The following TINAGL1 variants were observed in gnomAD, a reference collection of about 807,000 sequenced individuals.
The protein encoded by TINAGL1 is tubulointerstitial nephritis antigen like 1, also known as tubulointerstitial nephritis antigen-like.
A neutral mutation model predicts 62.0 loss-of-function variants in TINAGL1; 34 were observed. The observed-to-expected ratio is 0.55, with a 90% CI of 0.42 to 0.73. The LOEUF (loss-of-function observed/expected upper bound fraction) is 0.73, where lower values mean the gene tolerates loss of function less well. Ranked by LOEUF, TINAGL1 falls within the 30% of genes least tolerant of loss-of-function variation. The pLI, the probability that TINAGL1 is intolerant of heterozygous loss-of-function variation, is 0.00. For missense variants in TINAGL1, 516 were observed against 653.2 expected, an observed-to-expected ratio of 0.79 and a Z score of 2.29; for synonymous variants, 221 against 249.7, an observed-to-expected ratio of 0.88 and a Z score of 1.08.
Position 31,586,886 on chromosome 1 carries a change from C to A in TINAGL1, c.1311C>A (p.Phe437Leu). The A allele has an allele frequency of 6.4e-7, 1 of 1,551,606 alleles. No homozygotes were observed. Among genetic ancestry groups the A allele is most frequent in the East Asian group, 2.3e-5 (1 of 43,444 alleles). ...WGPAWGERGH[F>L]RIVRGVNECD... The stretch of plus-strand genomic sequence containing the variant: ...CAGCCTGGGGCGAGAGGGGCCACTT[C>A]CGCATCGTGCGCGGCGTCAATGAGT... Residue 437 changes from phenylalanine (F) to leucine (L), a missense_variant, in exon 12 of 12, where the codon TTC becomes TTA. Transcript: ENST00000271064.
At chr1:31,581,094 A>T (rs1199202710) in intron 3 of TINAGL1, among the ~76,000 whole-genome samples, 2 of 152,138 alleles carry the variant, frequency 1.3e-5, no homozygotes, top group Non-Finnish European at 2.9e-5. Context: ...GAAGGCCGGG[A>T]GGTGACTGAG....
rs765972339 is a variant in TINAGL1, at chr1:31,578,894, G to GTGTGTGTC, written c.311-306_311-305insTGTCTGTG. 3.4e-5 allele frequency among the ~76,000 whole-genome samples: 5 copies of GTGTGTGTC among 145,838 alleles called. 1 individual carries two copies. Among genetic ancestry groups the GTGTGTGTC allele is most frequent in the Non-Finnish European group, 6.0e-5 (4 of 66,438 alleles). On this transcript the variant is annotated intron_variant, in intron 2 of 11. Coordinates refer to ENST00000271064, the MANE Select transcript of TINAGL1 (RefSeq NM_022164.3). The stretch of plus-strand genomic sequence containing the variant: ...TGAGAGCTGGTGTGTGTGTGTGTGT[G>GTGTGTGTC]TGTGATATCTTCAGTTATAGTTTGG...
rs1252747152 is a variant in TINAGL1, at chr1:31,585,388, G to A, written c.1047+48G>A. 6.2e-7 allele frequency: 1 copy of A among 1,608,946 alleles called. No homozygotes were observed. Among genetic ancestry groups the A allele is most frequent in the Admixed American group, 1.7e-5 (1 of 59,222 alleles). On this transcript the variant is annotated intron_variant, in intron 8 of 11. Transcript: ENST00000271064. The surrounding 1 kb of genome is among the most constrained non-coding windows in gnomAD (Gnocchi z 4.3). ...GCGCCGAGGCAGGAGGGTTGTGAAA[G>A]CCTGGAGTCTCACCCCTGACGTATG...
Position 31,587,057 on chromosome 1 carries a change from C to T in TINAGL1, c.*78C>T. 7.3e-7 allele frequency: 1 copy of T among 1,362,950 alleles called. No individual in the cohort carries two copies. The highest frequency in any genetic ancestry group is 1.9e-5 in the South Asian group (1 of 54,028). 84.4% of individuals were successfully genotyped at this position (1,362,950 alleles called of 1,614,324 possible). A position where few individuals can be genotyped will look rare whatever the true frequency, so the allele number is the denominator to read the frequency against. On this transcript the variant is annotated 3_prime_UTR_variant, in exon 12 of 12. Coordinates refer to ENST00000271064, the MANE Select transcript of TINAGL1 (RefSeq NM_022164.3). The stretch of plus-strand genomic sequence containing the variant: ...GAAGAGGCCCCAATGGGGCGGTGAC[C>T]CCAGCCTCGCCCGACAGAGCCCGGG...
chr1:31,584,688 A>G lies in TINAGL1; in HGVS notation c.593A>G (p.Asn198Ser), dbSNP rs141377102. The part of the protein sequence containing the change: ...MNMHEIYTVL[N>S]PGEVLPTAFE... Reference sequence around the variant, plus strand: ...ACCTTTATCTTGCAGACAGTGCTGAACCCAGGGGAGGTGCTTCCCACAGCC... The same window carrying G: ...ACCTTTATCTTGCAGACAGTGCTGAGCCCAGGGGAGGTGCTTCCCACAGCC... Residue 198 changes from asparagine (N) to serine (S), a missense_variant, in exon 6 of 12, where the codon AAC becomes AGC. By Grantham distance (46) the Asn-to-Ser change is conservative (BLOSUM62 1). Transcript: ENST00000271064. This position sits in a 1 kb window ranked among gnomAD's most constrained non-coding sequence, Gnocchi z 4.0. 1.1e-4 allele frequency: 181 copies of G among 1,613,466 alleles called. No homozygotes were observed. Among genetic ancestry groups the G allele is most frequent in the Non-Finnish European group, 1.5e-4 (176 of 1,180,026 alleles).
intron 2 of TINAGL1, chr1:31,578,241 C>CT (rs1464797664): frequency 2.8e-6 from 1 of 357,854 alleles, no homozygotes; most frequent in Non-Finnish European, 3.5e-6. Context: ...TCAGTGAGAG[C>CT]TGGTGTGTGT....
rs1639319080 is a variant in TINAGL1 at position 31,584,045 on chromosome 1, C to T, written c.582+470C>T. 1 of 168,198 alleles carries T rather than the reference C, an allele frequency of 5.9e-6. No homozygotes were observed. The highest frequency in any genetic ancestry group is 1.3e-5 in the Non-Finnish European group (1 of 76,842). 10.4% of individuals were successfully genotyped at this position (168,198 alleles called of 1,614,324 possible). A position where few individuals can be genotyped will look rare whatever the true frequency, so the allele number is the denominator to read the frequency against. On this transcript the variant is annotated intron_variant, in intron 5 of 11. Coordinates refer to ENST00000271064, the MANE Select transcript of TINAGL1 (RefSeq NM_022164.3). The surrounding 1 kb of genome is among the most constrained non-coding windows in gnomAD (Gnocchi z 4.0). ...CTGGGAGAGGAATGAAAACCAGGCC[C>T]AAAGTGAAAGGGTGAGGAAGGGGAG...
Position 31,584,481 on chromosome 1 carries a change from T to A in TINAGL1, c.583-197T>A. On this transcript the variant is annotated intron_variant, in intron 5 of 11. Coordinates refer to ENST00000271064, the MANE Select transcript of TINAGL1 (RefSeq NM_022164.3). The surrounding 1 kb of genome is among the most constrained non-coding windows in gnomAD (Gnocchi z 4.0). ...CACCCCGCCCCGCCCCACCACCTGA[T>A]ACCTGGGAGGCACTAAATGGTGCTT... 42 of 686,948 alleles carry A rather than the reference T, an allele frequency of 6.1e-5. No individual in the cohort carries two copies. Among genetic ancestry groups the A allele is most frequent in the East Asian group, 9.5e-5 (3 of 31,576 alleles). The allele number at this position is 686,948 out of a possible 1,614,324, so 42.6% of individuals were successfully genotyped here.
intron 2 of TINAGL1, chr1:31,578,255 T>C (rs1639056666): frequency 3.4e-6 from 2 of 590,346 alleles, no homozygotes; most frequent in Admixed American, 1.3e-4. Flanking sequence ...TGTGTGTGTG[T>C]GTGTGTGTGT....
At chr1:31,580,162 GCTCTCTCT>G (rs761677862) in intron 3 of TINAGL1, 6,434 of 472,418 alleles carry the variant, frequency 0.014, 39 homozygotes, top group African/African-American at 0.025. Flanking sequence ...GGGTTAATGC[GCTCTCTCT>G]CTCTCTCTCT....
rs954694687 is a variant in TINAGL1 at position 31,576,950 on chromosome 1, G to A, written c.-15-184G>A. 1 of 560,502 alleles carries A rather than the reference G, an allele frequency of 1.8e-6. No individual in the cohort carries two copies. The highest frequency in any genetic ancestry group is 3.0e-6 in the Non-Finnish European group (1 of 327,952). 34.7% of individuals were successfully genotyped at this position (560,502 alleles called of 1,614,324 possible). ...CAGGGAGGGGCTCCGTTTCTGCCCA[G>A]TCCCCATCCCCCTATAGCCAGGGCC... On this transcript the variant is annotated intron_variant, in intron 1 of 11. Transcript: ENST00000271064. This position sits in a 1 kb window ranked among gnomAD's most constrained non-coding sequence, Gnocchi z 5.1.
rs139778483 is a variant in TINAGL1 at position 31,579,063 on chromosome 1, A to ATG, written c.311-126_311-125dup. 583 of 606,290 alleles carry ATG rather than the reference A, an allele frequency of 9.6e-4. 15 individuals carry two copies. The highest frequency in any genetic ancestry group is 9.4e-3 in the African/African-American group (470 of 50,200). 37.6% of individuals were successfully genotyped at this position (606,290 alleles called of 1,614,324 possible). ...TAGTTTAATTTCAGTGAGAGCTGGT[A>ATG]TGTGTGTGTGTGTGTGAGACAGAGA... On this transcript the variant is annotated intron_variant, in intron 2 of 11. Coordinates refer to ENST00000271064, the MANE Select transcript of TINAGL1 (RefSeq NM_022164.3).
At chr1:31,586,229 A>G (rs963069359) in intron 10 of TINAGL1, 4 of 294,006 alleles carry the variant, frequency 1.4e-5, no homozygotes, top group African/African-American at 6.6e-5. Flanking sequence ...CAGTTTCCCT[A>G]TCCGATTTAG....
rs1172597866 is a variant in TINAGL1 at position 31,581,369 on chromosome 1, C to T, written c.375-1780C>T. Among the ~76,000 whole-genome samples the T allele has an allele frequency of 2.0e-5, 3 of 152,024 alleles. No homozygotes were observed. The East Asian group carries it at 5.8e-4, about 29-fold the overall frequency. ...GGTCCAGGTGAGAGGTGATGAGGGA[C>T]GGGAGTAGGGTGGCCACAGTGGAGG... On this transcript the variant is annotated intron_variant, in intron 3 of 11. Transcript: ENST00000271064.
At position 31,586,827 on chromosome 1, in the gene TINAGL1, CCTT is replaced by C; in HGVS notation, c.1264-11_1264-9del. 2 of 1,544,338 alleles carry C rather than the reference CCTT, an allele frequency of 1.3e-6. No homozygotes were observed. Among genetic ancestry groups the C allele is most frequent in the Non-Finnish European group, 1.8e-6 (2 of 1,142,158 alleles). On this transcript the variant is annotated splice_polypyrimidine_tract_variant and intron_variant, in intron 11 of 11. Coordinates refer to ENST00000271064, the MANE Select transcript of TINAGL1 (RefSeq NM_022164.3). ...TCCCATTCCCCTTCTCACCACCCCT[CCTT>C]ATTCCCAGACTGCGGCCAACTCCTG...
intron 2 of TINAGL1, among the ~76,000 whole-genome samples, chr1:31,578,658 G>C (rs902337171): frequency 1.4e-5 from 1 of 71,624 alleles, no homozygotes; most frequent in African/African-American, 6.0e-5. Context: ...GTGAGAGCTG[G>C]TGTGTGTGTG....
In TINAGL1 at chr1:31,586,155, C is replaced by A; in HGVS notation, c.1217+279C>A. The A allele has an allele frequency of 2.0e-5, 7 of 356,780 alleles. No individual in the cohort carries two copies. The South Asian group carries it at 2.9e-4, about 15-fold the overall frequency. The allele number at this position is 356,780 out of a possible 1,614,324, so 22.1% of individuals were successfully genotyped here. On this transcript the variant is annotated intron_variant, in intron 10 of 11. Transcript: ENST00000271064. ...TCAAGAGTTTCTCAACCTCTCCCCA[C>A]CTCAGCACCTGTCCCAGCTCTGCCT...
chr1:31,581,842 T>C (rs1421169363), intron 3 of TINAGL1, among the ~76,000 whole-genome samples: 2 of 152,224 alleles, frequency 1.3e-5, no homozygotes, highest in Non-Finnish European at 2.9e-5. Context: ...ACACAGCCAG[T>C]GGGCTGAAAC....
chr1:31,584,905 C>T lies in TINAGL1; in HGVS notation c.726C>T (p.Val242=). Residue 242 remains valine, a synonymous_variant, in exon 7 of 12, where the codon GTC becomes GTT. Coordinates refer to ENST00000271064, the MANE Select transcript of TINAGL1 (RefSeq NM_022164.3). The surrounding 1 kb of genome is among the most constrained non-coding windows in gnomAD (Gnocchi z 4.0). ...FSTAAVASDR[V]SIHSLGHMTP... The stretch of plus-strand genomic sequence containing the variant: ...CACCAGCTGTGGCATCCGATCGTGT[C>T]TCAATCCATTCTCTGGGACACATGA... 6.2e-7 allele frequency: 1 copy of T among 1,610,044 alleles called. No individual in the cohort carries two copies. Among genetic ancestry groups the T allele is most frequent in the Non-Finnish European group, 8.5e-7 (1 of 1,176,600 alleles).
Sources: gnomAD v4.1 joint callset for allele counts (sites outside exome capture counted in the v4.1 genomes callset) on GRCh38, gnomAD v4.1.1 for gene constraint, Gnocchi (gnomAD v3.1) non-coding constraint, MANE v1.5 for transcripts, NCBI Gene and HGNC (gene_info 2026-07-23, HGNC 2026-07-21) for gene names.